Variants in IL6R observed in about 807,000 individuals in gnomAD.
IL6R encodes the protein interleukin 6 receptor, also known as interleukin-6 receptor subunit alpha.
In IL6R, 38 loss-of-function variants were observed where a neutral mutation model predicts 48.3. The observed-to-expected ratio is 0.79, with a 90% confidence interval of 0.61 to 1.03. The LOEUF (loss-of-function observed/expected upper bound fraction) is 1.03, where lower values mean the gene tolerates loss of function less well. Among genes scored for constraint, IL6R ranks in the 50% least tolerant of loss-of-function variants. The pLI, the probability that IL6R is intolerant of heterozygous loss-of-function variation, is 0.00. For synonymous variants in IL6R, 264 were observed against 256.2 expected, an observed-to-expected ratio of 1.03 and a Z score of -0.29; for missense variants, 534 against 618.3, an observed-to-expected ratio of 0.86 and a Z score of 1.45.
chr1:154,421,490 G>C (rs989694914), intron 1 of IL6R, among the ~76,000 whole-genome samples: 8 of 152,174 alleles, frequency 5.3e-5, no homozygotes, highest in East Asian at 3.9e-4. Flanking sequence ...GGAACCAAAA[G>C]TCCCCCTGCC....
At chr1:154,449,187 G>A (rs573638627) in intron 7 of IL6R, among the ~76,000 whole-genome samples, 3 of 1,900 alleles carry the variant, frequency 1.6e-3, no homozygotes, top group East Asian at 0.036. Flanking sequence ...GAGCCACCGC[G>A]CCCGGCCTTG....
intron 1 of IL6R, among the ~76,000 whole-genome samples, chr1:154,415,669 G>A (rs1688298851): frequency 6.6e-6 from 1 of 152,068 alleles, no homozygotes; most frequent in Admixed American, 6.6e-5. Flanking sequence ...TTTTTAATGT[G>A]GTAAAAACAC....
chr1:154,464,959 CAAAA>C (rs1172260784), intron 9 of IL6R, among the ~76,000 whole-genome samples, 171 bp from the exon 10 acceptor site: 1 of 152,054 alleles, frequency 6.6e-6, no homozygotes, highest in East Asian at 1.9e-4. Context: ...GATCCTGTCT[CAAAA>C]CAAACAAATG....
intron 3 of IL6R, among the ~76,000 whole-genome samples, chr1:154,432,857 C>T (rs1248865511): frequency 6.6e-6 from 1 of 152,230 alleles, no homozygotes; most frequent in Non-Finnish European, 1.5e-5. Context: ...CCACCCAGAC[C>T]TCAGGCCACT....
chr1:154,430,434 C>A, intron 2 of IL6R, 49 bp from the exon 3 acceptor site: 1 of 1,605,188 alleles, frequency 6.2e-7, no homozygotes, highest in Non-Finnish European at 8.5e-7. Flanking sequence ...GGTCAGTGCG[C>A]CCCAGGATCC....
In IL6R at chr1:154,435,003, G is replaced by A. The variant is rs746328108; in HGVS notation, c.654G>A (p.Pro218=). The A allele has an allele frequency of 9.3e-6, 15 of 1,613,820 alleles. No homozygotes were observed. The highest frequency in any genetic ancestry group is 2.2e-5 in the South Asian group (2 of 91,070). ...FQGCGILQPD[P]PANITVTAVA... ...CTTTTCCCACAGTGCAGCCTGATCC[G>A]CCTGCCAACATCACAGTCACTGCCG... Residue 218 remains proline (P), a synonymous_variant, in exon 5 of 10, where the codon CCG becomes CCA. Transcript: ENST00000368485.
At position 154,454,540 on chromosome 1, in the gene IL6R, C is replaced by T; in HGVS notation, c.1119C>T (p.Ser373=). The change falls in exon 9 of 10, where the codon AGC becomes AGT. Residue 373 remains serine (S), a synonymous_variant. Coordinates refer to ENST00000368485, the MANE Select transcript of IL6R (RefSeq NM_000565.4). ...PLPTFLVAGG[S]LAFGTLLCIA... ...CCACATTCCTGGTTGCTGGAGGGAG[C>T]CTGGCCTTCGGAACGCTCCTCTGCA... The T allele has an allele frequency of 1.2e-6, 2 of 1,613,832 alleles. No homozygotes were observed. The highest frequency in any genetic ancestry group is 1.7e-5 in the Admixed American group (1 of 60,000).
intron 1 of IL6R, among the ~76,000 whole-genome samples, chr1:154,424,225 G>A (rs1023588954): frequency 6.6e-6 from 1 of 152,198 alleles, no homozygotes; most frequent in Non-Finnish European, 1.5e-5. Context: ...CCCCTAACAT[G>A]CCCTATATTC....
intron 8 of IL6R, 105 bp from the exon 9 acceptor site, chr1:154,454,383 T>C (rs1690753766): frequency 2.7e-6 from 2 of 735,940 alleles, no homozygotes; most frequent in African/African-American, 3.5e-5. Flanking sequence ...GAAGGTTCCT[T>C]TGAGGCTTTT....
intron 9 of IL6R, among the ~76,000 whole-genome samples, chr1:154,457,866 G>A (rs1219689799): frequency 6.6e-6 from 1 of 152,140 alleles, no homozygotes; most frequent in Non-Finnish European, 1.5e-5. Context: ...CCCTGACCTA[G>A]CTTGACTACC....
At chr1:154,419,143 C>G (rs927587258) in intron 1 of IL6R, among the ~76,000 whole-genome samples, 2 of 152,148 alleles carry the variant, frequency 1.3e-5, no homozygotes, top group Non-Finnish European at 2.9e-5. Context: ...GGCAAGTTCC[C>G]TAACTTCTCT....
chr1:154,443,103 A>G (rs1196837460), intron 6 of IL6R, among the ~76,000 whole-genome samples: 1 of 152,184 alleles, frequency 6.6e-6, no homozygotes, highest in East Asian at 1.9e-4. Flanking sequence ...GGAAAAGCCC[A>G]TTAGGTATAA....
At chr1:154,447,884 T>C (rs1490346986) in intron 6 of IL6R, among the ~76,000 whole-genome samples, 5 of 152,086 alleles carry the variant, frequency 3.3e-5, no homozygotes, top group Non-Finnish European at 7.3e-5. Flanking sequence ...CCAGCTAATT[T>C]TGTATTTTTA....
rs2149280523 is a variant in IL6R at position 154,465,201 on chromosome 1, T to C, written c.1228T>C (p.Leu410=). The change falls in exon 10 of 10, where the codon TTG becomes CTG. Residue 410 remains leucine (L), a synonymous_variant. Coordinates refer to ENST00000368485, the MANE Select transcript of IL6R (RefSeq NM_000565.4). The part of the protein sequence containing the change: ...GKTSMHPPYS[L]GQLVPERPRP... ...GACAAGCATGCATCCGCCGTACTCT[T>C]TGGGGCAGCTGGTCCCGGAGAGGCC... 6.2e-7 allele frequency: 1 copy of C among 1,614,148 alleles called. No individual in the cohort carries two copies. Among genetic ancestry groups the C allele is most frequent in the Non-Finnish European group, 8.5e-7 (1 of 1,180,018 alleles).
chr1:154,419,818 CA>C (rs1234217821), intron 1 of IL6R, among the ~76,000 whole-genome samples: 2 of 152,184 alleles, frequency 1.3e-5, no homozygotes, highest in African/African-American at 4.8e-5. Flanking sequence ...TTGACATTTG[CA>C]AGTTTACTTG....
chr1:154,453,354 A>G (rs911426860), intron 8 of IL6R, among the ~76,000 whole-genome samples: 3 of 152,240 alleles, frequency 2.0e-5, no homozygotes, highest in African/African-American at 4.8e-5. Flanking sequence ...CCCGCTCACC[A>G]GTCTGGGCTC....
intron 9 of IL6R, among the ~76,000 whole-genome samples, chr1:154,458,767 G>T (rs1293860637): frequency 6.6e-6 from 1 of 150,476 alleles, no homozygotes; most frequent in Admixed American, 6.6e-5. Flanking sequence ...TGGGCATGGT[G>T]GTGCACACCT....
At chr1:154,448,875 CTTTTTTTTTTTT>C (rs757221328) in intron 7 of IL6R, among the ~76,000 whole-genome samples, 12 of 73,310 alleles carry the variant, frequency 1.6e-4, no homozygotes, top group Admixed American at 3.2e-4. Flanking sequence ...CTTGTAAGGG[CTTTTTTTTTTTT>C]TTTTTTTTTT....
rs1194101287 is a variant in IL6R at position 154,468,163 on chromosome 1, G to A, written c.*2783G>A. On this transcript the variant is annotated 3_prime_UTR_variant, in exon 10 of 10. Coordinates refer to ENST00000368485, the MANE Select transcript of IL6R (RefSeq NM_000565.4). ...GAAAAAATGTCTTCTCTGGGCTGTA[G>A]GCCTGGCTCAGCGTACACAGGTATA... The A allele has an allele frequency of 6.6e-6, 1 of 152,130 alleles. No homozygotes were observed. The highest frequency in any genetic ancestry group is 1.5e-5 in the Non-Finnish European group (1 of 68,028). 9.4% of individuals were successfully genotyped at this position (152,130 alleles called of 1,614,324 possible).
Sources: allele counts gnomAD v4.1 joint callset (sites outside exome capture counted in the v4.1 genomes callset), GRCh38; gene constraint gnomAD v4.1.1; transcripts MANE v1.5; gene names NCBI Gene and HGNC (gene_info 2026-07-23, HGNC 2026-07-21).